LEKR1: variants seen among roughly 807,000 people sequenced by gnomAD.
The protein encoded by LEKR1 is leucine, glutamate and lysine rich 1, also known as protein LEKR1.
A neutral mutation model predicts 72.4 loss-of-function variants in LEKR1; 59 were observed. The ratio of observed to expected loss-of-function variants is 0.82; its 90% CI spans 0.66 to 1.01. The LOEUF is 1.01. LEKR1 is among the 50% of genes least tolerant of loss of function. The pLI, the probability that LEKR1 is intolerant of heterozygous loss-of-function variation, is 0.00. For missense variants in LEKR1, 728 were observed against 759.2 expected, an observed-to-expected ratio of 0.96 and a Z score of 0.48; for synonymous variants, 257 against 263.2, an observed-to-expected ratio of 0.98 and a Z score of 0.23.
chr3:156,934,562 A>G (rs1000439943), intron 5 of LEKR1, among the ~76,000 whole-genome samples: 19 of 152,212 alleles, frequency 1.2e-4, no homozygotes, highest in Non-Finnish European at 2.6e-4. Flanking sequence ...TTCAGTTTGG[A>G]AGTTTTTTAT....
intron 7 of LEKR1, among the ~76,000 whole-genome samples, chr3:156,986,896 T>TA (rs1230768138): frequency 6.6e-6 from 1 of 152,186 alleles, no homozygotes; most frequent in East Asian, 1.9e-4. Context: ...TTTGATTTGT[T>TA]AGAGTTGAGA....
rs144304648 is a variant in LEKR1, at chr3:157,000,676, C to T, written c.1109+7399C>T. Among the ~76,000 whole-genome samples, 662 of 152,136 alleles carry T rather than the reference C, an allele frequency of 4.4e-3. 3 individuals carry two copies. Among genetic ancestry groups the T allele is most frequent in the Middle Eastern group, 0.027 (8 of 294 alleles). On this transcript the variant is annotated intron_variant, in intron 9 of 12. Coordinates refer to ENST00000356539, the MANE Select transcript of LEKR1 (RefSeq NM_001004316.3). ...TCTTATTAATTTTTATTCCCTGCAC[C>T]GGCCATGTAAGATATTCAGTAAATA...
Position 156,831,967 on chromosome 3 carries a change from T to C in LEKR1, c.48+2590T>C, listed in dbSNP as rs1395543756. ...TTTGGGTTTCATCATACCTTATTTTTAATCTGTGTGTTATGGAAATGGAAA... is the reference window on the plus strand; with the variant it reads ...TTTGGGTTTCATCATACCTTATTTTCAATCTGTGTGTTATGGAAATGGAAA... On this transcript the variant is annotated intron_variant, in intron 2 of 12. Transcript: ENST00000356539. Among the ~76,000 whole-genome samples, 3 of 152,236 alleles carry C rather than the reference T, an allele frequency of 2.0e-5. No individual in the cohort carries two copies. The East Asian group carries it at 5.8e-4, about 29-fold the overall frequency.
chr3:156,991,164 A>G (rs1731117115), intron 7 of LEKR1, among the ~76,000 whole-genome samples: 1 of 152,198 alleles, frequency 6.6e-6, no homozygotes, highest in Non-Finnish European at 1.5e-5. Flanking sequence ...AGTGATTACA[A>G]TATTATTCAT....
At chr3:156,845,275 GGTCTGTAGCTT>G (rs1714449390) in intron 2 of LEKR1, among the ~76,000 whole-genome samples, 1 of 151,266 alleles carries the variant, frequency 6.6e-6, no homozygotes, top group African/African-American at 2.4e-5. Context: ...ATTTTCTCCT[GGTCTGTAGCTT>G]GTCTTTTAAT....
At chr3:157,022,253 T>C (rs1182852385) in intron 10 of LEKR1, among the ~76,000 whole-genome samples, 1 of 152,144 alleles carries the variant, frequency 6.6e-6, no homozygotes, top group Non-Finnish European at 1.5e-5. Context: ...TAAAAGGCCA[T>C]ATACAGGAGT....
intron 3 of LEKR1, among the ~76,000 whole-genome samples, chr3:156,910,195 G>A (rs1485794203): frequency 6.6e-6 from 1 of 152,098 alleles, no homozygotes; most frequent in Non-Finnish European, 1.5e-5. Flanking sequence ...TTACATGGGT[G>A]TATTGCGCGA....
At chr3:156,940,750 T>A (rs959807783) in intron 5 of LEKR1, among the ~76,000 whole-genome samples, 1 of 152,184 alleles carries the variant, frequency 6.6e-6, no homozygotes, top group Non-Finnish European at 1.5e-5. Context: ...GTATTGCAGA[T>A]TTTTATTCTT....
At chr3:156,953,899 G>A (rs1433201176) in intron 6 of LEKR1, among the ~76,000 whole-genome samples, 1 of 151,796 alleles carries the variant, frequency 6.6e-6, no homozygotes, top group Non-Finnish European at 1.5e-5. Context: ...CGGGATTGCT[G>A]GGTCAAATCG....
intron 3 of LEKR1, among the ~76,000 whole-genome samples, chr3:156,903,096 T>A (rs747236499): frequency 6.6e-6 from 1 of 152,082 alleles, no homozygotes; most frequent in Non-Finnish European, 1.5e-5. Flanking sequence ...TATATTTAGA[T>A]CTATTTCTTT....
intron 2 of LEKR1, among the ~76,000 whole-genome samples, chr3:156,843,236 A>C (rs1258890387): frequency 6.6e-6 from 1 of 152,188 alleles, no homozygotes; most frequent in Non-Finnish European, 1.5e-5. Flanking sequence ...ATGAATGTCA[A>C]TCCATTTTAG....
At chr3:156,858,267 CAG>C (rs1246314954) in intron 3 of LEKR1, among the ~76,000 whole-genome samples, 3 of 151,012 alleles carry the variant, frequency 2.0e-5, no homozygotes, top group Non-Finnish European at 3.0e-5. Context: ...GAGTGAAGGA[CAG>C]AGAGAGAGAG....
intron 5 of LEKR1, among the ~76,000 whole-genome samples, chr3:156,933,916 G>A (rs1258335795): frequency 6.6e-6 from 1 of 152,162 alleles, no homozygotes; most frequent in African/African-American, 2.4e-5. Flanking sequence ...CTCCCTGAAT[G>A]TGACCTGTGG....
intron 5 of LEKR1, among the ~76,000 whole-genome samples, chr3:156,929,569 A>G (rs755690322): frequency 2.6e-5 from 4 of 152,134 alleles, no homozygotes; most frequent in Non-Finnish European, 4.4e-5. Context: ...GCCGCAAATG[A>G]ACACTCAGCA....
chr3:157,043,453 T>G (rs1424207078), intron 12 of LEKR1, among the ~76,000 whole-genome samples: 5 of 12,508 alleles, frequency 4.0e-4, no homozygotes, highest in African/African-American at 9.1e-4. Flanking sequence ...TCCTTCTGTG[T>G]TTTTTTTTTT....
rs985116583 is a variant in LEKR1, at chr3:156,924,550, T to A, written c.384-2879T>A. 5 of 672,094 alleles carry A rather than the reference T, an allele frequency of 7.4e-6. No individual in the cohort carries two copies. In the African/African-American group the frequency reaches 8.9e-5, roughly 12 times the overall value. The allele number at this position is 672,094 out of a possible 1,614,324, so 41.6% of individuals were successfully genotyped here. A position where few individuals can be genotyped will look rare whatever the true frequency, so the allele number is the denominator to read the frequency against. On this transcript the variant is annotated intron_variant, in intron 4 of 12. Transcript: ENST00000356539. ...CTGTCTAAGCCGGTCAGAAGGATTT[T>A]CTCCTGTATTTTCTTCTAAGTGTTT...
intron 3 of LEKR1, among the ~76,000 whole-genome samples, chr3:156,919,146 T>A (rs1723945732): frequency 6.6e-6 from 1 of 152,212 alleles, no homozygotes; most frequent in African/African-American, 2.4e-5. Flanking sequence ...ACCCTCCAAA[T>A]CACTTGACTT....
rs1712054540 is a variant in LEKR1, at chr3:156,829,272, A to C, written c.-44-14A>C. 1 of 967,160 alleles carries C rather than the reference A, an allele frequency of 1.0e-6. No individual in the cohort carries two copies. The highest frequency in any genetic ancestry group is 1.6e-5 in the African/African-American group (1 of 61,782). The allele number at this position is 967,160 out of a possible 1,614,324, so 59.9% of individuals were successfully genotyped here. ...CATTATTTCTGTTCTGACTGTTGCC[A>C]TCAATGTTCTTAGATTTCCTTTGGC... On this transcript the variant is annotated splice_polypyrimidine_tract_variant and intron_variant, in intron 1 of 12. Transcript: ENST00000356539.
chr3:156,923,671 A>G (rs534959463), intron 4 of LEKR1, among the ~76,000 whole-genome samples: 59 of 152,214 alleles, frequency 3.9e-4, no homozygotes, highest in African/African-American at 1.2e-3. Flanking sequence ...TATGTTTTCA[A>G]TTCTTTGGAG....
Sources: gnomAD v4.1 joint callset for allele counts (sites outside exome capture counted in the v4.1 genomes callset) on GRCh38, gnomAD v4.1.1 for gene constraint, MANE v1.5 for transcripts, NCBI Gene and HGNC (gene_info 2026-07-23, HGNC 2026-07-21) for gene names.